The following NXNL1 variants were observed in gnomAD, a reference collection of about 807,000 sequenced individuals.
The protein encoded by NXNL1 is nucleoredoxin like 1.
A neutral mutation model predicts 7.2 loss-of-function variants in NXNL1; 6 were observed. The observed-to-expected ratio is 0.83, with a 90% CI of 0.46 to 1.64. NXNL1 has a LOEUF of 1.64. Among genes scored for constraint, NXNL1 ranks in the 40% most tolerant of loss-of-function variants. The pLI is 0.01. For missense variants in NXNL1, 308 were observed against 285.1 expected (o/e 1.08, Z -0.58); for synonymous variants, 133 against 127.2 (o/e 1.05, Z -0.31).
Position 17,455,678 on chromosome 19 carries a change from C to G in NXNL1, c.608G>C (p.Gly203Ala). The change falls in exon 2 of 2, where the codon GGG becomes GCG. Residue 203 changes from glycine (G) to alanine (A), a missense_variant. By Grantham distance (60) the Gly-to-Ala change is moderately conservative. Transcript: ENST00000301944. ...CAGCCCCCCGGCCCCGCCCTCCTCCCCACCCCCTCCCCCGGGGTCGCGCCC... is the reference window on the plus strand; with the variant it reads ...CAGCCCCCCGGCCCCGCCCTCCTCCGCACCCCCTCCCCCGGGGTCGCGCCC... The part of the protein sequence containing the change: ...RGGRDPGGGG[G>A]EEGGAGGLF 1 of 1,430,794 alleles carries G rather than the reference C, an allele frequency of 7.0e-7. No individual in the cohort carries two copies. The highest frequency in any genetic ancestry group is 9.5e-7 in the Non-Finnish European group (1 of 1,057,260). 88.6% of individuals were successfully genotyped at this position (1,430,794 alleles called of 1,614,324 possible).
intron 1 of NXNL1, among the ~76,000 whole-genome samples, chr19:17,457,163 C>T (rs763057920): frequency 2.6e-5 from 4 of 151,380 alleles, no homozygotes; most frequent in African/African-American, 9.7e-5. Context: ...TTTGGGAGGC[C>T]GAGGTGGGAG....
Position 17,455,916 on chromosome 19 carries a change from C to G in NXNL1, c.370G>C (p.Val124Leu), listed in dbSNP as rs1275754219. ...QFSVERLPAV[V>L]VLKPDGDVLT... ...ACGTCCCCGTCCGGCTTGAGCACCA[C>G]GACCGCCGGCAGGCGCTCCACTGAG... The change falls in exon 2 of 2, where the codon GTG (valine) becomes CTG (leucine). Residue 124 changes from valine to leucine, a missense_variant. Val to Leu is a conservative substitution (Grantham distance 32). Transcript: ENST00000301944. 5.0e-6 allele frequency: 8 copies of G among 1,595,504 alleles called. No individual in the cohort carries two copies. In the Admixed American group the frequency reaches 1.3e-4, roughly 27 times the overall value.
intron 1 of NXNL1, among the ~76,000 whole-genome samples, chr19:17,459,361 C>T (rs1204917190): frequency 2.6e-5 from 4 of 152,060 alleles, no homozygotes; most frequent in African/African-American, 7.2e-5. Flanking sequence ...TCTCCATCCT[C>T]CTATCTTTCT....
intron 1 of NXNL1, among the ~76,000 whole-genome samples, chr19:17,458,596 A>ATTTT (rs34265338): frequency 2.5e-4 from 22 of 87,858 alleles, no homozygotes; most frequent in Admixed American, 4.6e-4. Context: ...GATCTTTTTA[A>ATTTT]TTTTTTTTTT....
intron 1 of NXNL1, among the ~76,000 whole-genome samples, chr19:17,458,289 G>A (rs566385944): frequency 1.5e-5 from 2 of 137,716 alleles, no homozygotes; most frequent in South Asian, 2.2e-4. Flanking sequence ...GCACGATCTC[G>A]GGTCACTGCA....
Position 17,455,587 on chromosome 19 carries a change from G to C in NXNL1, c.*60C>G. The C allele has an allele frequency of 1.9e-6, 2 of 1,031,956 alleles. No individual in the cohort carries two copies. Among genetic ancestry groups the C allele is most frequent in the Non-Finnish European group, 1.4e-6 (1 of 712,806 alleles). The allele number at this position is 1,031,956 out of a possible 1,614,324, so 63.9% of individuals were successfully genotyped here. ...AAGTGCTGGGATTACAGGCGTGCGGGGGTGGGGTGGGGGTGGAGGTTCATC... is the reference window on the plus strand; with the variant it reads ...AAGTGCTGGGATTACAGGCGTGCGGCGGTGGGGTGGGGGTGGAGGTTCATC... On this transcript the variant is annotated 3_prime_UTR_variant, in exon 2 of 2. Transcript: ENST00000301944.
rs2074990151 is a variant in NXNL1, at chr19:17,455,716, C to A, written c.570G>T (p.Lys190Asn). ...CGGGGTCGCGCCCGCCTCGCGCCGCCTTTTCCACGCGGTACTTGTGGCGGC... is the reference window on the plus strand; with the variant it reads ...CGGGGTCGCGCCCGCCTCGCGCCGCATTTTCCACGCGGTACTTGTGGCGGC... ...CLRRHKYRVE[K>N]AARGGRDPGG... is the part of the protein sequence containing the mutation. Residue 190 changes from lysine (K) to asparagine (N), a missense_variant, in exon 2 of 2, where the codon AAG (lysine) becomes AAT (asparagine). By Grantham distance (94) the Lys-to-Asn change is moderately conservative. Transcript: ENST00000301944. 6.5e-7 allele frequency: 1 copy of A among 1,534,812 alleles called. No homozygotes were observed. The highest frequency in any genetic ancestry group is 1.4e-5 in the African/African-American group (1 of 72,904).
rs750725371 is a variant in NXNL1 at position 17,455,979 on chromosome 19, G to A, written c.327-20C>T. On this transcript the variant is annotated intron_variant, in intron 1 of 1. Coordinates refer to ENST00000301944, the MANE Select transcript of NXNL1 (RefSeq NM_138454.2). ...AGGTCCCTGCGGAGCGGGCAGGTCA[G>A]TCTGGACGGATCCACATCCCTGATG... 4 of 1,597,396 alleles carry A rather than the reference G, an allele frequency of 2.5e-6. No homozygotes were observed. In the East Asian group the frequency reaches 8.9e-5, roughly 36 times the overall value.
At chr19:17,458,988 C>T (rs2075003579) in intron 1 of NXNL1, among the ~76,000 whole-genome samples, 1 of 152,016 alleles carries the variant, frequency 6.6e-6, no homozygotes, top group South Asian at 2.1e-4. Flanking sequence ...CTTCAACTCC[C>T]AGCCTCAAGC....
Position 17,455,652 on chromosome 19 carries a change from A to G in NXNL1, c.634T>C (p.Phe212Leu), listed in dbSNP as rs762509874. The change falls in exon 2 of 2, where the codon TTC becomes CTC. Residue 212 changes from phenylalanine to leucine, a missense_variant. Coordinates refer to ENST00000301944, the MANE Select transcript of NXNL1 (RefSeq NM_138454.2). The stretch of plus-strand genomic sequence containing the variant: ...CTCTCCTCCACCCTAGCGGGTCAGA[A>G]CAGCCCCCCGGCCCCGCCCTCCTCC... ...GGEEGGAGGLF is the reference protein window; with the variant it reads ...GGEEGGAGGLL 36 of 1,339,412 alleles carry G rather than the reference A, an allele frequency of 2.7e-5. No individual in the cohort carries two copies. Among genetic ancestry groups the G allele is most frequent in the Middle Eastern group, 2.5e-4 (1 of 4,016 alleles). 83.0% of individuals were successfully genotyped at this position (1,339,412 alleles called of 1,614,324 possible). A position where few individuals can be genotyped will look rare whatever the true frequency, so the allele number is the denominator to read the frequency against.
chr19:17,460,168 G>A lies in NXNL1; in HGVS notation c.326+376C>T, dbSNP rs143984636. The stretch of plus-strand genomic sequence containing the variant: ...TGGGATTACAGGCGCCCACCACCAC[G>A]CCTGGATAATTTTTGTATTTTTAGT... On this transcript the variant is annotated intron_variant, in intron 1 of 1. Transcript: ENST00000301944. Among the ~76,000 whole-genome samples, 1,105 of 150,806 alleles carry A rather than the reference G, an allele frequency of 7.3e-3. 14 individuals carry two copies. The highest frequency in any genetic ancestry group is 0.026 in the African/African-American group (1,043 of 40,354).
intron 1 of NXNL1, 139 bp from the exon 2 acceptor site, chr19:17,456,098 A>T: frequency 6.9e-7 from 1 of 1,446,268 alleles, no homozygotes; most frequent in Admixed American, 2.5e-5. Flanking sequence ...GGTGCACACG[A>T]GGACCGGGAC....
chr19:17,456,139 T>C (rs2074992659), intron 1 of NXNL1, among the ~76,000 whole-genome samples, 180 bp from the exon 2 acceptor site: 1 of 151,970 alleles, frequency 6.6e-6, no homozygotes, highest in Non-Finnish European at 1.5e-5. Flanking sequence ...CCGCGCTTTG[T>C]CTCCAGCACC....
At chr19:17,456,664 C>A (rs777380562) in intron 1 of NXNL1, among the ~76,000 whole-genome samples, 2 of 151,732 alleles carry the variant, frequency 1.3e-5, no homozygotes, top group South Asian at 4.2e-4. Context: ...GGCGGATCAC[C>A]GGAGGCCAGG....
Position 17,455,944 on chromosome 19 carries a change from C to G in NXNL1, c.342G>C (p.Gln114His). The change falls in exon 2 of 2, where the codon CAG becomes CAC. Residue 114 changes from glutamine to histidine, a missense_variant. Gln to His is a conservative substitution (Grantham distance 24). Coordinates refer to ENST00000301944, the MANE Select transcript of NXNL1 (RefSeq NM_138454.2). ...CCGCCGGCAGGCGCTCCACTGAGAA[C>G]TGGCGCCCGAGGTCCCTGCGGAGCG... is the stretch of plus-strand genomic sequence containing the variant. ...EDDLRRDLGR[Q>H]FSVERLPAVV... 2 of 1,597,480 alleles carry G rather than the reference C, an allele frequency of 1.3e-6. No individual in the cohort carries two copies. Among genetic ancestry groups the G allele is most frequent in the Non-Finnish European group, 1.7e-6 (2 of 1,179,436 alleles).
At chr19:17,457,173 G>C (rs1207901076) in intron 1 of NXNL1, among the ~76,000 whole-genome samples, 1 of 151,716 alleles carries the variant, frequency 6.6e-6, no homozygotes, top group Non-Finnish European at 1.5e-5. Context: ...CGAGGTGGGA[G>C]GATTGCTTGA....
At chr19:17,459,627 A>G (rs1427208817) in intron 1 of NXNL1, among the ~76,000 whole-genome samples, 1 of 152,082 alleles carries the variant, frequency 6.6e-6, no homozygotes, top group Non-Finnish European at 1.5e-5. Context: ...CATATTGGTC[A>G]GGCTAGTCTC....
chr19:17,458,804 G>A (rs1960967007), intron 1 of NXNL1, among the ~76,000 whole-genome samples: 1 of 151,822 alleles, frequency 6.6e-6, no homozygotes, highest in South Asian at 2.1e-4. Context: ...GTTTCACCAT[G>A]TTGGCCAGGT....
chr19:17,459,681 G>T (rs2075005773), intron 1 of NXNL1, among the ~76,000 whole-genome samples: 1 of 152,012 alleles, frequency 6.6e-6, no homozygotes, highest in South Asian at 2.1e-4. Context: ...GCCTCCCAAA[G>T]TGCTAGATTT....
Sources: allele counts gnomAD v4.1 joint callset (sites outside exome capture counted in the v4.1 genomes callset), GRCh38; gene constraint gnomAD v4.1.1; transcripts MANE v1.5; gene names NCBI Gene and HGNC (gene_info 2026-07-23, HGNC 2026-07-21).